The following GLIS3 variants were observed in gnomAD, a reference collection of about 807,000 sequenced individuals.
The protein encoded by GLIS3 is GLIS family zinc finger 3.
In GLIS3, 53 loss-of-function variants were observed where a neutral mutation model predicts 78.6. That is an observed-to-expected ratio of 0.67 (90% CI 0.54 to 0.85). The LOEUF (loss-of-function observed/expected upper bound fraction) is 0.85. Ranked by LOEUF, GLIS3 falls within the 40% of genes least tolerant of loss-of-function variation. The pLI, the probability that GLIS3 is intolerant of heterozygous loss-of-function variation, is 0.00. For synonymous variants in GLIS3, 684 were observed against 509.9 expected (o/e 1.34, Z -4.60); for missense variants, 1,703 against 1,231.1 (o/e 1.38, Z -5.74).
At chr9:4,025,007 G>C (rs1823208019) in intron 4 of GLIS3, among the ~76,000 whole-genome samples, 1 of 152,136 alleles carries the variant, frequency 6.6e-6, no homozygotes, top group Admixed American at 6.5e-5. Flanking sequence ...CCAGCACTTT[G>C]GGAGGCCGAA....
chr9:3,841,392 G>A (rs1818705467), intron 9 of GLIS3, among the ~76,000 whole-genome samples: 1 of 152,218 alleles, frequency 6.6e-6, no homozygotes, highest in Non-Finnish European at 1.5e-5. Context: ...GCTCTGCCAT[G>A]TACTAGCTGT....
intron 2 of GLIS3, among the ~76,000 whole-genome samples, chr9:4,203,346 T>G (rs543395079): frequency 8.3e-4 from 127 of 152,334 alleles, no homozygotes; most frequent in Non-Finnish European, 2.8e-4. Flanking sequence ...AGTGAGGCTG[T>G]GGAGAAAAGG....
chr9:4,428,483 CAAAAAAAA>C, the GLIS3 span, among the ~76,000 whole-genome samples: 2 of 48,464 alleles, frequency 4.1e-5, no homozygotes, highest in South Asian at 7.7e-4. Flanking sequence ...GACTCTGTCT[CAAAAAAAA>C]AAAAAAAAAA....
chr9:3,990,210 A>G (rs943753130), intron 4 of GLIS3, among the ~76,000 whole-genome samples: 2 of 152,222 alleles, frequency 1.3e-5, no homozygotes, highest in South Asian at 2.1e-4. Flanking sequence ...ATCATTCTTC[A>G]TCATTCCATT....
chr9:4,083,440 A>C (rs1828728918), intron 4 of GLIS3, among the ~76,000 whole-genome samples: 1 of 152,014 alleles, frequency 6.6e-6, no homozygotes, highest in South Asian at 2.1e-4. Context: ...CCCAGCCTTG[A>C]ATTTGTCCTG....
intron 4 of GLIS3, among the ~76,000 whole-genome samples, chr9:4,057,944 A>G (rs1826285437): frequency 6.6e-6 from 1 of 152,208 alleles, no homozygotes; most frequent in African/African-American, 2.4e-5. Context: ...AGAAAATATA[A>G]TATTCTAAAA....
intron 4 of GLIS3, chr9:4,036,082 C>CT (rs1253004557): frequency 6.6e-6 from 1 of 152,210 alleles, no homozygotes; most frequent in African/African-American, 2.4e-5. Context: ...TCAAGGTCAT[C>CT]TTTAAGACCT....
At chr9:4,435,631 A>G in the GLIS3 span, among the ~76,000 whole-genome samples, 3 of 152,376 alleles carry the variant, frequency 2.0e-5, no homozygotes, top group Admixed American at 6.5e-5. Context: ...CTGCAAAGAA[A>G]GCTGAGACAA....
At chr9:4,347,047 T>TA (rs910958161) in intron 2 of GLIS3, 3 of 152,232 alleles carry the variant, frequency 2.0e-5, no homozygotes, top group Non-Finnish European at 2.9e-5. Context: ...TAAGGCTAGG[T>TA]AATTTATAAG....
At chr9:4,039,598 T>C (rs1824630108) in intron 4 of GLIS3, among the ~76,000 whole-genome samples, 1 of 152,140 alleles carries the variant, frequency 6.6e-6, no homozygotes, top group African/African-American at 2.4e-5. Context: ...ACAGGCCAGG[T>C]AAGAGAAGTG....
At chr9:3,949,660 T>C (rs1816535059) in intron 4 of GLIS3, among the ~76,000 whole-genome samples, 1 of 152,222 alleles carries the variant, frequency 6.6e-6, no homozygotes, top group Admixed American at 6.5e-5. Context: ...AAAAGAAAGA[T>C]GTTTTCGAAG....
intron 2 of GLIS3, among the ~76,000 whole-genome samples, chr9:4,337,819 A>G (rs966814871): frequency 1.3e-5 from 2 of 152,132 alleles, no homozygotes; most frequent in African/African-American, 2.4e-5. Context: ...CATCTTTCAG[A>G]TATGTTGTAT....
intron 2 of GLIS3, among the ~76,000 whole-genome samples, chr9:4,188,668 T>A (rs1818032534): frequency 6.6e-6 from 1 of 152,228 alleles, no homozygotes; most frequent in East Asian, 1.9e-4. Context: ...TTGCCTCAAT[T>A]TCAGAGCCTG....
chr9:3,830,837 A>G (rs1040533787), intron 9 of GLIS3, among the ~76,000 whole-genome samples: 5 of 152,104 alleles, frequency 3.3e-5, no homozygotes, highest in African/African-American at 1.2e-4. Context: ...CTCTTTAAGT[A>G]AAACCAGGGT....
chr9:3,966,482 C>T (rs912419633), intron 4 of GLIS3, among the ~76,000 whole-genome samples: 17 of 150,298 alleles, frequency 1.1e-4, no homozygotes, highest in African/African-American at 3.9e-4. Context: ...AAAAAGATGT[C>T]ACATGAACTG....
chr9:3,893,900 G>A (rs547128656), intron 7 of GLIS3, among the ~76,000 whole-genome samples: 40 of 152,272 alleles, frequency 2.6e-4, no homozygotes, highest in African/African-American at 9.6e-4. Context: ...TAGAGGTGGG[G>A]GCTCAATTAA....
At chr9:3,928,023 C>G (rs1319570617) in intron 6 of GLIS3, among the ~76,000 whole-genome samples, 1 of 152,322 alleles carries the variant, frequency 6.6e-6, no homozygotes. Flanking sequence ...TCAGGTATGT[C>G]TCACCATCAT....
chr9:4,367,061 T>C, the GLIS3 span, among the ~76,000 whole-genome samples: 1 of 152,206 alleles, frequency 6.6e-6, no homozygotes, highest in Admixed American at 6.5e-5. Flanking sequence ...TCTATACCTT[T>C]CCAGAGAGCT....
chr9:4,460,003 A>G, the GLIS3 span, among the ~76,000 whole-genome samples: 1 of 152,198 alleles, frequency 6.6e-6, no homozygotes, highest in Non-Finnish European at 1.5e-5. Context: ...GGCACACTCT[A>G]AAAGTTTGTG....
Sources: gnomAD v4.1 joint callset for allele counts (sites outside exome capture counted in the v4.1 genomes callset) on GRCh38, gnomAD v4.1.1 for gene constraint, MANE v1.5 for transcripts, NCBI Gene and HGNC (gene_info 2026-07-23, HGNC 2026-07-21) for gene names.